DDX60: variants seen among roughly 807,000 people sequenced by gnomAD.
DDX60 encodes DExD/H-box helicase 60, also known as probable ATP-dependent RNA helicase DDX60.
Under a neutral mutation model 212.8 loss-of-function variants are expected in DDX60, and 165 were observed. The ratio of observed to expected loss-of-function variants is 0.78; its 90% CI spans 0.68 to 0.88. The LOEUF is 0.88. DDX60 is among the 40% of genes least tolerant of loss of function. DDX60 has a pLI of 0.00. For synonymous variants in DDX60, 703 were observed against 685.3 expected (o/e 1.03, Z -0.40); for missense variants, 1,905 against 2,003.9 (o/e 0.95, Z 0.94).
At chr4:168,242,069 C>A (rs528727436) in intron 30 of DDX60, among the ~76,000 whole-genome samples, 101 of 152,318 alleles carry the variant, frequency 6.6e-4, no homozygotes, top group Admixed American at 1.4e-3. Context: ...CAAGCCTTGG[C>A]AGCTTACACG....
chr4:168,322,582 T>C (rs1259229860), upstream of DDX60, among the ~76,000 whole-genome samples: 14 of 152,214 alleles, frequency 9.2e-5, no homozygotes, highest in Admixed American at 8.5e-4. Flanking sequence ...CTTCAATATA[T>C]GCTCATTGCT....
rs374861973 is a variant in DDX60, at chr4:168,274,128, T to C, written c.2305-45A>G. The C allele has an allele frequency of 1.5e-5, 24 of 1,609,966 alleles. No homozygotes were observed. The African/African-American group carries it at 3.1e-4, about 21-fold the overall frequency. On this transcript the variant is annotated intron_variant, in intron 16 of 37. Transcript: ENST00000393743. The stretch of plus-strand genomic sequence containing the variant: ...ATTCATGTCAAGAAACTGAACCGTA[T>C]GTTACCAAAACAAAGACAGTATTTA...
chr4:168,242,722 G>A (rs1416131425), intron 30 of DDX60, among the ~76,000 whole-genome samples: 3 of 152,174 alleles, frequency 2.0e-5, no homozygotes, highest in Non-Finnish European at 4.4e-5. Context: ...TCTCAGATGA[G>A]ACTTTGGACT....
At chr4:168,246,710 T>C in intron 29 of DDX60, 92 bp from the exon 30 acceptor site, 1 of 1,328,792 alleles carries the variant, frequency 7.5e-7, no homozygotes, top group South Asian at 1.3e-5. Flanking sequence ...GTTTGGAGCA[T>C]GGAAATTGTG....
At chr4:168,319,100 G>A (rs930415897), upstream of DDX60, among the ~76,000 whole-genome samples, 2 of 151,842 alleles carry the variant, frequency 1.3e-5, no homozygotes, top group African/African-American at 2.4e-5. Flanking sequence ...GTAATAGATG[G>A]GCTAATTATC....
At chr4:168,240,206 G>T (rs1408247188) in intron 30 of DDX60, among the ~76,000 whole-genome samples, 1 of 152,086 alleles carries the variant, frequency 6.6e-6, no homozygotes, top group South Asian at 2.1e-4. Context: ...AATCACAAAT[G>T]AACTCCCCTT....
At chr4:168,228,075 A>T (rs947794826) in intron 33 of DDX60, among the ~76,000 whole-genome samples, 1 of 152,160 alleles carries the variant, frequency 6.6e-6, no homozygotes, top group Non-Finnish European at 1.5e-5. Flanking sequence ...ACAAACCTAG[A>T]TCACATTACC....
intron 27 of DDX60, 131 bp from the exon 28 acceptor site, chr4:168,251,237 G>A (rs1734209246): frequency 2.6e-6 from 2 of 779,250 alleles, no homozygotes; most frequent in Non-Finnish European, 4.1e-6. Flanking sequence ...GACTCTACAT[G>A]AATACAAAGA....
In DDX60 at chr4:168,221,764, GT is replaced by G. The variant is rs756346840; in HGVS notation, c.4941del (p.Lys1647AsnfsTer5). 8.7e-6 allele frequency: 14 copies of G among 1,612,882 alleles called. No individual in the cohort carries two copies. Among genetic ancestry groups the G allele is most frequent in the African/African-American group, 2.7e-5 (2 of 74,836 alleles). Reference sequence around the variant, plus strand: ...TGGACTAATCCTATCAAGGAACCATGTTTGTAGAAATCCAGTGCATAGGCAT... The same window carrying G: ...TGGACTAATCCTATCAAGGAACCATGTTGTAGAAATCCAGTGCATAGGCAT... ...SLNAYALDFY[K>X]HGSLIGLVQD... On this transcript the variant is annotated frameshift_variant, in exon 36 of 38. Coordinates refer to ENST00000393743, the MANE Select transcript of DDX60 (RefSeq NM_017631.6). LOFTEE classifies it high-confidence loss of function.
chr4:168,216,923 G>A lies in DDX60; in HGVS notation c.*10C>T. The A allele has an allele frequency of 1.9e-6, 3 of 1,563,582 alleles. No homozygotes were observed. The highest frequency in any genetic ancestry group is 2.6e-6 in the Non-Finnish European group (3 of 1,148,208). On this transcript the variant is annotated 3_prime_UTR_variant, in exon 38 of 38. Coordinates refer to ENST00000393743, the MANE Select transcript of DDX60 (RefSeq NM_017631.6). Reference sequence around the variant, plus strand: ...GAATTATTTTTAAGTGGTTTGCATAGACTTTGTTTTTAGACTTTGTTTAAC... The same window carrying A: ...GAATTATTTTTAAGTGGTTTGCATAAACTTTGTTTTTAGACTTTGTTTAAC...
chr4:168,218,056 G>C (rs554899156), intron 37 of DDX60, among the ~76,000 whole-genome samples: 1 of 152,280 alleles, frequency 6.6e-6, no homozygotes, highest in East Asian at 1.9e-4. Flanking sequence ...GACTGATCAA[G>C]GGCTGAAAAC....
chr4:168,275,529 GA>G, intron 15 of DDX60, 26 bp from the exon 16 acceptor site: 1 of 1,547,616 alleles, frequency 6.5e-7, no homozygotes, highest in South Asian at 1.3e-5. Flanking sequence ...AGTCCATTTT[GA>G]AAATGACATT....
rs1229352442 is a variant in DDX60 at position 168,285,493 on chromosome 4, A to G, written c.1345T>C (p.Ser449Pro). The G allele has an allele frequency of 6.2e-7, 1 of 1,605,326 alleles. No homozygotes were observed. Among genetic ancestry groups the G allele is most frequent in the South Asian group, 1.1e-5 (1 of 89,446 alleles). ...EKKPSPIKDSSNEMVPNLGFI... is the reference protein window; with the variant it reads ...EKKPSPIKDSPNEMVPNLGFI... Reference sequence around the variant, plus strand: ...CCCAAATTGGGCACCATTTCATTGGAGCTGTCTGTAAACAAACAAAAAAAA... The same window carrying G: ...CCCAAATTGGGCACCATTTCATTGGGGCTGTCTGTAAACAAACAAAAAAAA... Residue 449 changes from serine (S) to proline (P), a missense_variant, in exon 11 of 38, where the codon TCC (serine) becomes CCC (proline). Coordinates refer to ENST00000393743, the MANE Select transcript of DDX60 (RefSeq NM_017631.6).
At position 168,284,916 on chromosome 4, in the gene DDX60, A is replaced by G; in HGVS notation, c.1465T>C (p.Ser489Pro). 6.3e-7 allele frequency: 1 copy of G among 1,589,936 alleles called. No individual in the cohort carries two copies. The highest frequency in any genetic ancestry group is 8.6e-7 in the Non-Finnish European group (1 of 1,163,600). The change falls in exon 12 of 38, where the codon TCA becomes CCA. Residue 489 changes from serine to proline, a missense_variant. By Grantham distance (74) the Ser-to-Pro change is moderately conservative (BLOSUM62 -1). Transcript: ENST00000393743. ...FLKSDDPIVT[S>P]LVKQKEFDEL... ...TCAAATTCCTTTTGTTTAACCAGTG[A>G]AGTAACAATAGGATCATCACTGTGA...
At chr4:168,271,876 G>A (rs1049356255) in intron 19 of DDX60, among the ~76,000 whole-genome samples, 167 bp downstream of exon 19, 2 of 151,928 alleles carry the variant, frequency 1.3e-5, no homozygotes, top group African/African-American at 4.8e-5. Context: ...ACAGGAAAAG[G>A]GAGCCAAAAA....
intron 10 of DDX60, among the ~76,000 whole-genome samples, chr4:168,285,931 GGAAGGA>G: frequency 7.5e-6 from 1 of 132,864 alleles, no homozygotes; most frequent in African/African-American, 2.9e-5. Context: ...AAGGAAGGAA[GGAAGGA>G]AGGGAGGAAG....
chr4:168,320,301 G>A (rs1737572818), upstream of DDX60, among the ~76,000 whole-genome samples: 2 of 152,126 alleles, frequency 1.3e-5, no homozygotes, highest in Non-Finnish European at 2.9e-5. Context: ...TCATCAGAAG[G>A]GCCTTTATAA....
intron 28 of DDX60, among the ~76,000 whole-genome samples, chr4:168,249,417 A>G (rs1200889014): frequency 6.6e-6 from 1 of 152,196 alleles, no homozygotes; most frequent in Non-Finnish European, 1.5e-5. Flanking sequence ...TTATTCTGTA[A>G]CTGAAATCTA....
chr4:168,236,278 C>T lies in DDX60; in HGVS notation c.4507G>A (p.Ala1503Thr), dbSNP rs1337218973. The T allele has an allele frequency of 1.9e-6, 3 of 1,610,596 alleles. No individual in the cohort carries two copies. Among genetic ancestry groups the T allele is most frequent in the East Asian group, 2.2e-5 (1 of 44,592 alleles). Residue 1503 changes from alanine (A) to threonine (T), a missense_variant, in exon 33 of 38, where the codon GCA (alanine) becomes ACA (threonine). Physicochemically the swap from Ala to Thr is moderately conservative, Grantham distance 58. Coordinates refer to ENST00000393743, the MANE Select transcript of DDX60 (RefSeq NM_017631.6). ...TTTGATTGATAAAACTCGAAGTGTG[C>T]ATCTTGGAACTTTGGTGGAAAATAT... ...RRYFPPKFQD[A>T]HFEFYQSKVF...
Sources: gnomAD v4.1 joint callset for allele counts (sites outside exome capture counted in the v4.1 genomes callset) on GRCh38, gnomAD v4.1.1 for gene constraint, MANE v1.5 for transcripts, NCBI Gene and HGNC (gene_info 2026-07-23, HGNC 2026-07-21) for gene names.